The following SNX16 variants were observed in gnomAD, a reference collection of about 807,000 sequenced individuals.
The protein encoded by SNX16 is sorting nexin-16.
SNX16 carries 35 observed loss-of-function variants against 36.7 expected under a neutral mutation model. The ratio of observed to expected loss-of-function variants is 0.95; its 90% CI spans 0.73 to 1.27. The LOEUF (loss-of-function observed/expected upper bound fraction) is 1.27, where lower values mean the gene tolerates loss of function less well. SNX16 is among the 50% of genes most tolerant of loss of function. The pLI is 0.00. For missense variants in SNX16, 367 were observed against 393.6 expected (o/e 0.93, Z 0.57); for synonymous variants, 134 against 132.0 (o/e 1.02, Z -0.10).
At position 81,835,645 on chromosome 8, in the gene SNX16, G is replaced by A. The variant is rs530225080; in HGVS notation, c.375+3967C>T. On this transcript the variant is annotated intron_variant, in intron 2 of 7. Transcript: ENST00000345957. ...ATCTCTAGGGCAGGGGCAAAATGCC[G>A]CCAATCTCTTTGCTAAACCTAACAA... Among the ~76,000 whole-genome samples the A allele has an allele frequency of 2.2e-3, 331 of 152,294 alleles. 2 individuals carry two copies. The highest frequency in any genetic ancestry group is 7.7e-3 in the South Asian group (37 of 4,830).
intron 5 of SNX16, chr8:81,815,004 A>T (rs547606154): frequency 6.3e-6 from 1 of 158,614 alleles, no homozygotes; most frequent in South Asian, 2.0e-4. Flanking sequence ...AAATGGAAGA[A>T]AACTCAGTTT....
chr8:81,822,764 G>C (rs762239936), intron 4 of SNX16, among the ~76,000 whole-genome samples: 1 of 151,758 alleles, frequency 6.6e-6, no homozygotes, highest in Non-Finnish European at 1.5e-5. Context: ...ACGTAATTTT[G>C]AGATATCTGA....
chr8:81,834,927 C>G (rs1052242776), intron 2 of SNX16, among the ~76,000 whole-genome samples: 1 of 152,216 alleles, frequency 6.6e-6, no homozygotes, highest in Non-Finnish European at 1.5e-5. Flanking sequence ...GACAGTGCCC[C>G]AGTAGGGACT....
At chr8:81,803,263 C>G in intron 5 of SNX16, 35 bp from the exon 6 acceptor site, 1 of 1,566,482 alleles carries the variant, frequency 6.4e-7, no homozygotes, top group Non-Finnish European at 8.6e-7. Flanking sequence ...TAAACACATG[C>G]AGAAAAAGAA....
At chr8:81,841,558 G>A (rs2130787221) in intron 1 of SNX16, 1 of 151,886 alleles carries the variant, frequency 6.6e-6, no homozygotes, top group Admixed American at 6.6e-5. Flanking sequence ...CTGGCTGGGG[G>A]GAGGTCGCAT....
intron 2 of SNX16, among the ~76,000 whole-genome samples, chr8:81,829,741 G>A (rs898951408): frequency 3.9e-5 from 6 of 151,938 alleles, no homozygotes; most frequent in Admixed American, 2.0e-4. Flanking sequence ...GAGACAAAAC[G>A]CTTTTTCTGT....
chr8:81,835,537 G>T (rs1811457771), intron 2 of SNX16, among the ~76,000 whole-genome samples: 1 of 152,178 alleles, frequency 6.6e-6, no homozygotes, highest in African/African-American at 2.4e-5. Context: ...TAGCACCCAA[G>T]TCACCTCTTG....
intron 2 of SNX16, among the ~76,000 whole-genome samples, chr8:81,837,441 A>AT (rs1811541702): frequency 1.3e-5 from 2 of 152,192 alleles, no homozygotes; most frequent in African/African-American, 4.8e-5. Flanking sequence ...AATACCATAA[A>AT]TTTGGTAGCT....
chr8:81,826,232 C>T (rs565215220), intron 3 of SNX16, among the ~76,000 whole-genome samples: 1 of 152,172 alleles, frequency 6.6e-6, no homozygotes, highest in East Asian at 1.9e-4. Context: ...GAGAGAGCAG[C>T]GTGACTCAAG....
At position 81,839,603 on chromosome 8, in the gene SNX16, AAT is replaced by A. The variant is rs764056658; in HGVS notation, c.375+7_375+8del. On this transcript the variant is annotated splice_region_variant and intron_variant, in intron 2 of 7. Coordinates refer to ENST00000345957, the MANE Select transcript of SNX16 (RefSeq NM_152836.3). ...TTTGTAGTGTTATACAGCAGAAGTC[AAT>A]ACTTACAGTAAATTTAGCTCTTTCT... 6.2e-7 allele frequency: 1 copy of A among 1,603,164 alleles called. No homozygotes were observed. Among genetic ancestry groups the A allele is most frequent in the East Asian group, 2.2e-5 (1 of 44,768 alleles).
intron 6 of SNX16, 29 bp downstream of exon 6, chr8:81,803,063 A>G (rs1809776271): frequency 1.3e-6 from 2 of 1,565,346 alleles, no homozygotes; most frequent in Non-Finnish European, 1.7e-6. Context: ...TGAATTAGTC[A>G]GAGTAGAAAT....
At chr8:81,812,718 T>C (rs1416969951) in intron 5 of SNX16, among the ~76,000 whole-genome samples, 1 of 152,048 alleles carries the variant, frequency 6.6e-6, no homozygotes, top group African/African-American at 2.4e-5. Context: ...GGGCCAGAAA[T>C]AGTAAACACG....
At chr8:81,828,686 G>A (rs372726939) in intron 3 of SNX16, among the ~76,000 whole-genome samples, 4 of 152,170 alleles carry the variant, frequency 2.6e-5, no homozygotes, top group Admixed American at 6.5e-5. Context: ...TTATCTGGGT[G>A]AGCCTTATCT....
At chr8:81,840,262 C>T (rs1270706665) in intron 1 of SNX16, 180 bp from the exon 2 acceptor site, 2 of 287,368 alleles carry the variant, frequency 7.0e-6, no homozygotes, top group Non-Finnish European at 1.3e-5. Context: ...AGCAAAACTA[C>T]TTCACACTCT....
intron 5 of SNX16, 58 bp from the exon 6 acceptor site, chr8:81,803,286 C>T: frequency 6.7e-7 from 1 of 1,492,584 alleles, no homozygotes; most frequent in Non-Finnish European, 9.0e-7. Context: ...CAATTAATTA[C>T]AAATGCAGTA....
chr8:81,841,739 C>T (rs1586032257), intron 1 of SNX16: 1 of 152,314 alleles, frequency 6.6e-6, no homozygotes, highest in African/African-American at 2.4e-5. Context: ...TTCATTCTCA[C>T]TCTGGAAAAC....
chr8:81,826,505 A>T (rs1268001153), intron 3 of SNX16, among the ~76,000 whole-genome samples: 1 of 152,132 alleles, frequency 6.6e-6, no homozygotes, highest in Non-Finnish European at 1.5e-5. Flanking sequence ...GAATTTAGAA[A>T]AAAACTCACT....
intron 4 of SNX16, chr8:81,815,711 C>A (rs1186747657): frequency 9.3e-6 from 2 of 215,410 alleles, no homozygotes; most frequent in Admixed American, 1.0e-4. Flanking sequence ...TTAGTCTGAA[C>A]TAGTCTAACA....
At chr8:81,816,774 T>G (rs1810516189) in intron 4 of SNX16, among the ~76,000 whole-genome samples, 1 of 152,206 alleles carries the variant, frequency 6.6e-6, no homozygotes, top group Non-Finnish European at 1.5e-5. Flanking sequence ...TGTCAGAAAG[T>G]GCAGGTGGTA....
Sources: allele counts gnomAD v4.1 joint callset (sites outside exome capture counted in the v4.1 genomes callset), GRCh38; gene constraint gnomAD v4.1.1; transcripts MANE v1.5; gene names NCBI Gene and HGNC (gene_info 2026-07-23, HGNC 2026-07-21).